ETHE1: variants seen among roughly 807,000 people sequenced by gnomAD.
ETHE1 encodes the protein ETHE1 persulfide dioxygenase.
In ETHE1, 16 loss-of-function variants were observed where a neutral mutation model predicts 25.7. The ratio of observed to expected loss-of-function variants is 0.62; its 90% CI spans 0.42 to 0.95. The LOEUF (loss-of-function observed/expected upper bound fraction) is 0.95. Among genes scored for constraint, ETHE1 ranks in the 40% least tolerant of loss-of-function variants. The pLI is 0.00. For missense variants in ETHE1, 300 were observed against 333.6 expected (o/e 0.90, Z 0.79); for synonymous variants, 139 against 135.9 (o/e 1.02, Z -0.16).
intron 4 of ETHE1, among the ~76,000 whole-genome samples, chr19:43,510,813 C>T (rs1248138478): frequency 3.9e-5 from 6 of 152,052 alleles, no homozygotes; most frequent in East Asian, 1.9e-4. Flanking sequence ...CCCTGGGTAC[C>T]GGTCCGTGGT....
chr19:43,523,556 C>T (rs1331838309), intron 3 of ETHE1, among the ~76,000 whole-genome samples: 1 of 151,920 alleles, frequency 6.6e-6, no homozygotes, highest in African/African-American at 2.4e-5. Context: ...GAATTACAGG[C>T]ATGAGCCACC....
chr19:43,517,060 G>A (rs1300838961), intron 3 of ETHE1, among the ~76,000 whole-genome samples: 1 of 151,566 alleles, frequency 6.6e-6, no homozygotes, highest in Non-Finnish European at 1.5e-5. Flanking sequence ...CTGGCCTCAA[G>A]CAATCCTCCC....
chr19:43,522,630 C>A (rs372731076), intron 3 of ETHE1, among the ~76,000 whole-genome samples: 2 of 152,034 alleles, frequency 1.3e-5, no homozygotes, highest in Non-Finnish European at 2.9e-5. Context: ...TACAGGCACA[C>A]CCCACCACGC....
Position 43,507,979 on chromosome 19 carries a change from A to G in ETHE1, c.677T>C (p.Met226Thr). ...TLSCEEFVKIMGNLNLPKPQQ... is the reference protein window; with the variant it reads ...TLSCEEFVKITGNLNLPKPQQ... ...AGGTTTAGGCAAGTTCAGGTTGCCCATGATTTTGACAAACTCCTCACAGCT... is the reference window on the plus strand; with the variant it reads ...AGGTTTAGGCAAGTTCAGGTTGCCCGTGATTTTGACAAACTCCTCACAGCT... Residue 226 changes from methionine (M) to threonine (T), a missense_variant, in exon 6 of 7, where the codon ATG (methionine) becomes ACG (threonine). Physicochemically the swap from Met to Thr is moderately conservative, Grantham distance 81 (BLOSUM62 -1). Transcript: ENST00000292147. The G allele has an allele frequency of 6.2e-7, 1 of 1,614,140 alleles. No individual in the cohort carries two copies. The highest frequency in any genetic ancestry group is 8.5e-7 in the Non-Finnish European group (1 of 1,180,028).
intron 3 of ETHE1, 69 bp from the exon 4 acceptor site, chr19:43,511,635 C>T (rs1306633722): frequency 7.0e-6 from 11 of 1,569,294 alleles, no homozygotes; most frequent in Admixed American, 1.7e-5. Flanking sequence ...CCCCCAAAGC[C>T]CCACCCTACC....
chr19:43,522,533 A>G (rs149469925), intron 3 of ETHE1, among the ~76,000 whole-genome samples: 3,137 of 152,082 alleles, frequency 0.021, 51 homozygotes, highest in Middle Eastern at 0.02. Context: ...CTGGAGTGCA[A>G]TGGCACCATC....
chr19:43,524,183 A>G (rs1972193746), intron 3 of ETHE1, among the ~76,000 whole-genome samples: 1 of 152,138 alleles, frequency 6.6e-6, no homozygotes, highest in African/African-American at 2.4e-5. Flanking sequence ...AGCCTGCGCA[A>G]CAAGAGCAAA....
chr19:43,506,954 G>A (rs1599978587), intron 6 of ETHE1, 52 bp from the exon 7 acceptor site: 6 of 1,586,814 alleles, frequency 3.8e-6, no homozygotes, highest in Non-Finnish European at 5.2e-6. Context: ...AGAGTTCCAG[G>A]CCCCACTGGA....
chr19:43,511,586 A>G lies in ETHE1; in HGVS notation c.376-20T>C, dbSNP rs559545187. 9.3e-6 allele frequency: 15 copies of G among 1,610,474 alleles called. No individual in the cohort carries two copies. The highest frequency in any genetic ancestry group is 1.3e-5 in the Non-Finnish European group (15 of 1,179,622). On this transcript the variant is annotated intron_variant, in intron 3 of 6. Coordinates refer to ENST00000292147, the MANE Select transcript of ETHE1 (RefSeq NM_014297.5). ...CAACGCCTGGCAGGGGTGGAAGAGT[A>G]CAGAGATAGTCACCAAGAAGCCTTC...
At chr19:43,525,955 A>AAACT (rs1295875836) in intron 3 of ETHE1, 1 of 584,962 alleles carries the variant, frequency 1.7e-6, no homozygotes, top group Non-Finnish European at 3.0e-6. Flanking sequence ...TTTAGGAAGG[A>AAACT]AACTCCTTAA....
chr19:43,525,625 C>T (rs1035268776), intron 3 of ETHE1: 1 of 156,444 alleles, frequency 6.4e-6, no homozygotes, highest in Non-Finnish European at 1.4e-5. Flanking sequence ...TTAGACTTCC[C>T]AGTGTGAGGC....
rs1972260248 is a variant in ETHE1, at chr19:43,526,798, T to C, written c.82-139A>G. ...CCACTCTTTCCCCGGGAGTCGGGAG[T>C]CCGGAGCCCCACTACCTTCCCCTAT... On this transcript the variant is annotated intron_variant, in intron 1 of 6. Transcript: ENST00000292147. The C allele has an allele frequency of 1.3e-5, 20 of 1,522,178 alleles. No homozygotes were observed. In the East Asian group the frequency reaches 2.4e-4, roughly 19 times the overall value. 94.3% of individuals were successfully genotyped at this position (1,522,178 alleles called of 1,614,324 possible).
At chr19:43,510,402 C>G (rs1272551297) in intron 4 of ETHE1, among the ~76,000 whole-genome samples, 2 of 145,596 alleles carry the variant, frequency 1.4e-5, no homozygotes, top group African/African-American at 5.2e-5. Context: ...GTGGCGCAAT[C>G]TTGGCTCACT....
chr19:43,519,398 A>C (rs1265331306), intron 3 of ETHE1, among the ~76,000 whole-genome samples: 3 of 152,176 alleles, frequency 2.0e-5, no homozygotes, highest in African/African-American at 7.2e-5. Context: ...TGGGGAACAT[A>C]TAACATCTTG....
At chr19:43,515,117 T>A (rs960650419) in intron 3 of ETHE1, among the ~76,000 whole-genome samples, 3 of 151,874 alleles carry the variant, frequency 2.0e-5, no homozygotes, top group Admixed American at 1.3e-4. Flanking sequence ...CTTTTAAAAA[T>A]AAAAAATAGG....
At chr19:43,515,548 CAGAT>C (rs1341279877) in intron 3 of ETHE1, among the ~76,000 whole-genome samples, 1 of 152,008 alleles carries the variant, frequency 6.6e-6, no homozygotes, top group Non-Finnish European at 1.5e-5. Context: ...TCTGAAACCT[CAGAT>C]AGTACAAACC....
Position 43,526,655 on chromosome 19 carries a change from A to T in ETHE1, c.86T>A (p.Phe29Tyr), listed in dbSNP as rs367658189. The change falls in exon 2 of 7, where the codon TTC (phenylalanine) becomes TAC (tyrosine). Residue 29 changes from phenylalanine to tyrosine, a missense_variant. Physicochemically the swap from Phe to Tyr is conservative, Grantham distance 22. Transcript: ENST00000292147. Reference protein sequence around the residue: ...SGAPILLRQMFEPVSCTFTYL... With the variant: ...SGAPILLRQMYEPVSCTFTYL... ...CGTGAAGGTGCAGCTCACAGGCTCG[A>T]ACATCTGGGAACGGGGGACCCAGGT... 1.9e-6 allele frequency: 3 copies of T among 1,613,322 alleles called. No individual in the cohort carries two copies. The highest frequency in any genetic ancestry group is 2.7e-5 in the African/African-American group (2 of 74,898).
intron 4 of ETHE1, among the ~76,000 whole-genome samples, chr19:43,509,755 C>T (rs1475758418): frequency 2.0e-5 from 3 of 152,112 alleles, no homozygotes; most frequent in Non-Finnish European, 2.9e-5. Context: ...AAGATTGCAC[C>T]ACTGCACTCC....
rs1222852086 is a variant in ETHE1, at chr19:43,515,961, C to T, written c.376-4395G>A. Among the ~76,000 whole-genome samples the T allele has an allele frequency of 2.0e-5, 3 of 152,142 alleles. No individual in the cohort carries two copies. The East Asian group carries it at 5.8e-4, about 29-fold the overall frequency. On this transcript the variant is annotated intron_variant, in intron 3 of 6. Transcript: ENST00000292147. ...AACATACTCCTATACAGCACAGATACACTGGACGTAGGGATAATTCATGTC... is the reference window on the plus strand; with the variant it reads ...AACATACTCCTATACAGCACAGATATACTGGACGTAGGGATAATTCATGTC...
Sources: allele counts gnomAD v4.1 joint callset (sites outside exome capture counted in the v4.1 genomes callset), GRCh38; gene constraint gnomAD v4.1.1; transcripts MANE v1.5; gene names NCBI Gene and HGNC (gene_info 2026-07-23, HGNC 2026-07-21).